Variants in ANKRD30A observed in about 807,000 individuals in gnomAD.
ANKRD30A encodes ankyrin repeat domain 30A.
ANKRD30A carries 170 observed loss-of-function variants against 166.3 expected under a neutral mutation model. That is an observed-to-expected ratio of 1.02 (90% CI 0.90 to 1.16). ANKRD30A has a LOEUF of 1.16. ANKRD30A is among the 50% of genes most tolerant of loss of function. The probability of loss-of-function intolerance (pLI) is 0.00; values close to 1 mark genes in which losing one functional copy is unlikely to be tolerated. For synonymous variants in ANKRD30A, 564 were observed against 508.9 expected (o/e 1.11, Z -1.46); for missense variants, 1,630 against 1,518.0 (o/e 1.07, Z -1.23).
At chr10:37,163,887 G>T (rs28495665) in intron 17 of ANKRD30A, among the ~76,000 whole-genome samples, 68,846 of 103,502 alleles carry the variant, frequency 0.67, 28,001 homozygotes, top group African/African-American at 0.91. Flanking sequence ...GAAATTAAAA[G>T]TAACATATTT....
At chr10:37,257,058 G>A in the ANKRD30A span, among the ~76,000 whole-genome samples, 1 of 151,802 alleles carries the variant, frequency 6.6e-6, no homozygotes, top group Admixed American at 6.6e-5. Flanking sequence ...ATTAAATACT[G>A]GTTCTATTTC....
intron 29 of ANKRD30A, among the ~76,000 whole-genome samples, chr10:37,198,445 A>G (rs557179495): frequency 9.2e-5 from 14 of 152,284 alleles, no homozygotes; most frequent in African/African-American, 1.9e-4. Context: ...AATAAAAATG[A>G]AAACATGCAG....
chr10:37,255,808 A>G, the ANKRD30A span, among the ~76,000 whole-genome samples: 2 of 152,176 alleles, frequency 1.3e-5, no homozygotes, highest in Non-Finnish European at 2.9e-5. Flanking sequence ...CTGCCTTTGC[A>G]TTTATTATTA....
the ANKRD30A span, among the ~76,000 whole-genome samples, chr10:37,263,869 G>A: frequency 1.6e-4 from 24 of 152,262 alleles, no homozygotes; most frequent in East Asian, 4.1e-3. Flanking sequence ...AGCCTGGGAT[G>A]TTAGAGGAGG....
chr10:37,219,025 T>C lies in ANKRD30A; in HGVS notation c.3313T>C (p.Cys1105Arg), dbSNP rs374482731. 8.8e-6 allele frequency: 14 copies of C among 1,594,668 alleles called. No individual in the cohort carries two copies. In the African/African-American group the frequency reaches 1.9e-4, roughly 22 times the overall value. ...ENENYLLHEN[C>R]MLKKEIAMLK... ...TGAAAATTATCTCTTACATGAAAATTGCATGTTGAAAAAGGAAATTGCCAT... is the reference window on the plus strand; with the variant it reads ...TGAAAATTATCTCTTACATGAAAATCGCATGTTGAAAAAGGAAATTGCCAT... Residue 1105 changes from cysteine (C) to arginine (R), a missense_variant, in exon 34 of 36, where the codon TGC becomes CGC. By Grantham distance (180) the Cys-to-Arg change is radical (BLOSUM62 -3). Coordinates refer to ENST00000361713, the MANE Select transcript of ANKRD30A (RefSeq NM_052997.3).
At chr10:37,166,830 A>C (rs1327814430) in intron 19 of ANKRD30A, 135 bp downstream of exon 19, 25 of 1,409,964 alleles carry the variant, frequency 1.8e-5, no homozygotes, top group African/African-American at 5.9e-5. Context: ...TGCAATGGTC[A>C]TAAGTTATGT....
chr10:37,215,777 C>G (rs1842570631), intron 31 of ANKRD30A, among the ~76,000 whole-genome samples: 1 of 151,484 alleles, frequency 6.6e-6, no homozygotes, highest in African/African-American at 2.4e-5. Flanking sequence ...TCAGACTACA[C>G]TAGAGCTTCA....
chr10:37,162,152 A>G (rs186798508), intron 15 of ANKRD30A, among the ~76,000 whole-genome samples: 74 of 152,218 alleles, frequency 4.9e-4, no homozygotes, highest in African/African-American at 1.7e-3. Context: ...GGAAAAAAAC[A>G]AATATTCATA....
chr10:37,162,582 G>C, intron 15 of ANKRD30A, 67 bp from the exon 16 acceptor site: 1 of 1,583,528 alleles, frequency 6.3e-7, no homozygotes, highest in Non-Finnish European at 8.7e-7. Context: ...ATACTATCAC[G>C]GCATTCATTT....
intron 31 of ANKRD30A, among the ~76,000 whole-genome samples, chr10:37,204,357 A>G (rs1841845734): frequency 1.3e-5 from 2 of 152,224 alleles, no homozygotes; most frequent in African/African-American, 4.8e-5. Flanking sequence ...GACAAAAACA[A>G]GAAATGGGGA....
At chr10:37,224,311 C>T (rs913696163) in intron 34 of ANKRD30A, among the ~76,000 whole-genome samples, 1 of 150,922 alleles carries the variant, frequency 6.6e-6, no homozygotes, top group African/African-American at 2.4e-5. Flanking sequence ...TAAACATCAT[C>T]AAAAATTATC....
the ANKRD30A span, among the ~76,000 whole-genome samples, chr10:37,255,406 A>G: frequency 6.6e-6 from 1 of 152,160 alleles, no homozygotes; most frequent in Non-Finnish European, 1.5e-5. Context: ...TACTCTGTAA[A>G]TATATACAAT....
chr10:37,241,878 A>C, the ANKRD30A span: 2 of 152,192 alleles, frequency 1.3e-5, no homozygotes, highest in Non-Finnish European at 2.9e-5. Flanking sequence ...TTTACTACAA[A>C]GAACTTTCTT....
chr10:37,159,031 G>T (rs1564504616), intron 15 of ANKRD30A, among the ~76,000 whole-genome samples: 1 of 152,118 alleles, frequency 6.6e-6, no homozygotes, highest in African/African-American at 2.4e-5. Context: ...AGCTGACTGT[G>T]TGTGTGACTT....
At chr10:37,233,146 C>A (rs999059997), downstream of ANKRD30A, among the ~76,000 whole-genome samples, 5 of 152,010 alleles carry the variant, frequency 3.3e-5, no homozygotes, top group Non-Finnish European at 5.9e-5. Context: ...AGGAGCAAAT[C>A]TAAGCTTTCT....
At position 37,219,016 on chromosome 10, in the gene ANKRD30A, C is replaced by G. The variant is rs1411728264; in HGVS notation, c.3304C>G (p.His1102Asp). Reference protein sequence around the residue: ...HTHENENYLLHENCMLKKEIA... With the variant: ...HTHENENYLLDENCMLKKEIA... The stretch of plus-strand genomic sequence containing the variant: ...TCATGAAAATGAAAATTATCTCTTA[C>G]ATGAAAATTGCATGTTGAAAAAGGA... The change falls in exon 34 of 36, where the codon CAT becomes GAT. Residue 1102 changes from histidine (H) to aspartate (D), a missense_variant. This residue lies in a region of ANKRD30A where 712 missense variants were observed against 629.3 expected (regional missense o/e 1.13). Coordinates refer to ENST00000361713, the MANE Select transcript of ANKRD30A (RefSeq NM_052997.3). 6.3e-7 allele frequency: 1 copy of G among 1,592,396 alleles called. No individual in the cohort carries two copies. Among genetic ancestry groups the G allele is most frequent in the Non-Finnish European group, 8.5e-7 (1 of 1,172,290 alleles).
At chr10:37,237,862 C>T in the ANKRD30A span, among the ~76,000 whole-genome samples, 6 of 152,024 alleles carry the variant, frequency 3.9e-5, no homozygotes, top group Admixed American at 3.9e-4. Context: ...GTACCAGGTA[C>T]TGTATGTGGT....
At chr10:37,257,055 A>G in the ANKRD30A span, among the ~76,000 whole-genome samples, 3 of 151,992 alleles carry the variant, frequency 2.0e-5, no homozygotes. Flanking sequence ...GCTATTAAAT[A>G]CTGGTTCTAT....
chr10:37,162,268 C>T (rs1838965922), intron 15 of ANKRD30A, among the ~76,000 whole-genome samples: 1 of 152,074 alleles, frequency 6.6e-6, no homozygotes, highest in South Asian at 2.1e-4. Flanking sequence ...AACTATGTAC[C>T]TTTCCGAAGA....
Sources: allele counts gnomAD v4.1 joint callset (sites outside exome capture counted in the v4.1 genomes callset), GRCh38; gene constraint gnomAD v4.1.1; regional missense constraint gnomAD v4.1.1; transcripts MANE v1.5; gene names NCBI Gene and HGNC (gene_info 2026-07-23, HGNC 2026-07-21).